The following APOBEC1 variants were observed in gnomAD, a reference collection of about 807,000 sequenced individuals.
APOBEC1 encodes apolipoprotein B mRNA editing enzyme catalytic subunit 1, also known as C->U-editing enzyme APOBEC-1.
APOBEC1 carries 22 observed loss-of-function variants against 26.3 expected under a neutral mutation model. The ratio of observed to expected loss-of-function variants is 0.84; its 90% CI spans 0.60 to 1.19. The LOEUF is 1.19. Ranked by LOEUF, APOBEC1 falls within the 50% of genes most tolerant of loss-of-function variation. The pLI is 0.00. For synonymous variants in APOBEC1, 77 were observed against 95.3 expected (o/e 0.81, Z 1.12); for missense variants, 253 against 289.0 (o/e 0.88, Z 0.90).
upstream of APOBEC1, among the ~76,000 whole-genome samples, chr12:7,666,478 AG>A (rs1592065123): frequency 6.6e-6 from 1 of 151,992 alleles, no homozygotes; most frequent in East Asian, 1.9e-4. Context: ...TATTTTTAGT[AG>A]AGACGGGGTT....
intron 2 of APOBEC1, among the ~76,000 whole-genome samples, chr12:7,654,372 C>T (rs1267906146): frequency 1.5e-5 from 2 of 136,590 alleles, no homozygotes; most frequent in Non-Finnish European, 1.5e-5. Flanking sequence ...TCCACAGTTC[C>T]TTTTTTTTTT....
Position 7,652,527 on chromosome 12 carries a change from C to T in APOBEC1, c.353G>A (p.Arg118Gln), listed in dbSNP as rs899513257. The T allele has an allele frequency of 2.5e-6, 4 of 1,614,124 alleles. No individual in the cohort carries two copies. In the South Asian group the frequency reaches 4.4e-5, roughly 18 times the overall value. The change falls in exon 3 of 5, where the codon CGG becomes CAG. Residue 118 changes from arginine to glutamine, a missense_variant. Physicochemically the swap from Arg to Gln is conservative, Grantham distance 43 (BLOSUM62 1). Coordinates refer to ENST00000229304, the MANE Select transcript of APOBEC1 (RefSeq NM_001644.5). ...TTGTTGATCCATGTGCCAAAAAAGCCGAGCTACGTAGATCACTAGAGTCAC... is the reference window on the plus strand; with the variant it reads ...TTGTTGATCCATGTGCCAAAAAAGCTGAGCTACGTAGATCACTAGAGTCAC... ...PGVTLVIYVA[R>Q]LFWHMDQQNR...
chr12:7,654,229 T>C (rs765582027), intron 2 of APOBEC1, among the ~76,000 whole-genome samples: 10 of 151,950 alleles, frequency 6.6e-5, no homozygotes, highest in Non-Finnish European at 1.3e-4. Flanking sequence ...AAATCATTTA[T>C]TTAAAGAGAT....
chr12:7,653,096 A>ATT (rs5796283), intron 2 of APOBEC1, among the ~76,000 whole-genome samples: 4 of 151,432 alleles, frequency 2.6e-5, no homozygotes, highest in South Asian at 2.1e-4. Flanking sequence ...TGTCCAGCTA[A>ATT]TTTTTTTGTA....
At chr12:7,658,115 G>A (rs560305012) in intron 1 of APOBEC1, among the ~76,000 whole-genome samples, 1 of 152,142 alleles carries the variant, frequency 6.6e-6, no homozygotes, top group Non-Finnish European at 1.5e-5. Context: ...CCAGGCTGGA[G>A]TCCAGTGGTG....
chr12:7,652,528 G>A lies in APOBEC1; in HGVS notation c.352C>T (p.Arg118Trp), dbSNP rs1353444746. 9 of 1,613,998 alleles carry A rather than the reference G, an allele frequency of 5.6e-6. No individual in the cohort carries two copies. The highest frequency in any genetic ancestry group is 1.6e-4 in the Middle Eastern group (1 of 6,084). Residue 118 changes from arginine to tryptophan, a missense_variant, in exon 3 of 5, where the codon CGG (arginine) becomes TGG (tryptophan). Transcript: ENST00000229304. ...TGTTGATCCATGTGCCAAAAAAGCCGAGCTACGTAGATCACTAGAGTCACA... is the reference window on the plus strand; with the variant it reads ...TGTTGATCCATGTGCCAAAAAAGCCAAGCTACGTAGATCACTAGAGTCACA... The part of the protein sequence containing the change: ...PGVTLVIYVA[R>W]LFWHMDQQNR...
chr12:7,654,709 C>T lies in APOBEC1; in HGVS notation c.17-77G>A, dbSNP rs142035429. On this transcript the variant is annotated intron_variant, in intron 1 of 4. Transcript: ENST00000229304. The stretch of plus-strand genomic sequence containing the variant: ...TGCTAAGAAAAAGTGCTCTATTATT[C>T]CAAACCTCCAAATCATCTCAGAAAA... The T allele has an allele frequency of 4.6e-3, 6,015 of 1,305,634 alleles. 79 individuals carry two copies. The highest frequency in any genetic ancestry group is 0.045 in the Admixed American group (2,619 of 57,594). 80.9% of individuals were successfully genotyped at this position (1,305,634 alleles called of 1,614,324 possible). A position where few individuals can be genotyped will look rare whatever the true frequency, so the allele number is the denominator to read the frequency against.
At chr12:7,664,813 G>A (rs1429205387) in intron 1 of APOBEC1, among the ~76,000 whole-genome samples, 7 of 151,734 alleles carry the variant, frequency 4.6e-5, no homozygotes, top group African/African-American at 1.2e-4. Flanking sequence ...AAGGTGAGGC[G>A]GGAGGATCTC....
At chr12:7,667,140 G>A (rs1863903575), upstream of APOBEC1, among the ~76,000 whole-genome samples, 1 of 151,872 alleles carries the variant, frequency 6.6e-6, no homozygotes, top group Admixed American at 6.6e-5. Flanking sequence ...TCAAACTCCT[G>A]ACCTCAGGTG....
At chr12:7,657,031 G>A (rs1445807995) in intron 1 of APOBEC1, among the ~76,000 whole-genome samples, 1 of 147,558 alleles carries the variant, frequency 6.8e-6, no homozygotes, top group East Asian at 2.0e-4. Context: ...GTGTCCTAGT[G>A]TGTTGTATAT....
chr12:7,660,613 G>C (rs1346911310), intron 1 of APOBEC1, among the ~76,000 whole-genome samples: 2 of 146,436 alleles, frequency 1.4e-5, no homozygotes, highest in East Asian at 4.1e-4. Flanking sequence ...CGAGGCACAA[G>C]AATCGCTTGA....
At chr12:7,657,043 C>CGTGT (rs6144603) in intron 1 of APOBEC1, among the ~76,000 whole-genome samples, 4,696 of 148,696 alleles carry the variant, frequency 0.032, 84 homozygotes, top group South Asian at 0.072. Context: ...GTTGTATATA[C>CGTGT]GTGTGTGTGT....
Position 7,658,853 on chromosome 12 carries a change from C to T in APOBEC1, c.17-4221G>A, listed in dbSNP as rs374741188. ...CTGTAATCCCAGCTACTTGGGAGGC[C>T]GAGGCACAAGAATCACTTGAATCTG... On this transcript the variant is annotated intron_variant, in intron 1 of 4. Transcript: ENST00000229304. 2.3e-3 allele frequency among the ~76,000 whole-genome samples: 335 copies of T among 146,308 alleles called. 2 individuals are homozygous for T. Among genetic ancestry groups the T allele is most frequent in the Middle Eastern group, 0.015 (4 of 272 alleles).
chr12:7,649,747 A>G, intron 4 of APOBEC1, 51 bp from the exon 5 acceptor site: 3 of 1,277,072 alleles, frequency 2.3e-6, no homozygotes, highest in Non-Finnish European at 3.3e-6. Flanking sequence ...ATTTTAATTA[A>G]TAATATTATC....
At position 7,652,656 on chromosome 12, in the gene APOBEC1, T is replaced by A; in HGVS notation, c.224A>T (p.Asp75Val). The change falls in exon 3 of 5, where the codon GAT becomes GTT. Residue 75 changes from aspartate to valine, a missense_variant. Coordinates refer to ENST00000229304, the MANE Select transcript of APOBEC1 (RefSeq NM_001644.5). The part of the protein sequence containing the change: ...NFIKKFTSER[D>V]FHPSMSCSIT... ...GGAGCAGCTCATGGATGGGTGAAAA[T>A]CTCTTTCTGACGTAAATTTTTTTAT... 2 of 1,613,996 alleles carry A rather than the reference T, an allele frequency of 1.2e-6. No homozygotes were observed. The highest frequency in any genetic ancestry group is 1.7e-6 in the Non-Finnish European group (2 of 1,179,976).
intron 2 of APOBEC1, 81 bp downstream of exon 2, chr12:7,654,524 C>T: frequency 7.1e-7 from 1 of 1,408,394 alleles, no homozygotes; most frequent in South Asian, 1.2e-5. Context: ...ATTATAGGCG[C>T]ATGTGCCACC....
At position 7,649,515 on chromosome 12, in the gene APOBEC1, C is replaced by T. The variant is rs770265053; in HGVS notation, c.*32G>A. 5 of 1,597,386 alleles carry T rather than the reference C, an allele frequency of 3.1e-6. No individual in the cohort carries two copies. The African/African-American group carries it at 4.0e-5, about 13-fold the overall frequency. The stretch of plus-strand genomic sequence containing the variant: ...CTTTAGTGGGTCATCATTGCTTGTT[C>T]TTGAATCAGTACACACACGGAATCA... On this transcript the variant is annotated 3_prime_UTR_variant, in exon 5 of 5. Coordinates refer to ENST00000229304, the MANE Select transcript of APOBEC1 (RefSeq NM_001644.5).
At chr12:7,651,844 G>A (rs1401900739) in intron 3 of APOBEC1, among the ~76,000 whole-genome samples, 4 of 150,078 alleles carry the variant, frequency 2.7e-5, no homozygotes, top group Non-Finnish European at 5.9e-5. Context: ...ATCTTGAGAC[G>A]GAGTCTCGCT....
chr12:7,664,558 T>C (rs1291310015), intron 1 of APOBEC1, among the ~76,000 whole-genome samples: 2 of 152,222 alleles, frequency 1.3e-5, no homozygotes, highest in African/African-American at 4.8e-5. Context: ...ATAAAAGCTT[T>C]TAAATTCTGT....
Sources: allele counts gnomAD v4.1 joint callset (sites outside exome capture counted in the v4.1 genomes callset), GRCh38; gene constraint gnomAD v4.1.1; transcripts MANE v1.5; gene names NCBI Gene and HGNC (gene_info 2026-07-23, HGNC 2026-07-21).